Variants in IMMP2L observed in about 807,000 individuals in gnomAD.
IMMP2L encodes mitochondrial inner membrane protease subunit 2.
In IMMP2L, 18 loss-of-function variants were observed where a neutral mutation model predicts 19.3. The ratio of observed to expected loss-of-function variants is 0.93; its 90% CI spans 0.64 to 1.38. IMMP2L has a LOEUF of 1.38. IMMP2L is among the 40% of genes most tolerant of loss of function. The probability of loss-of-function intolerance (pLI) is 0.00; values close to 1 mark genes in which losing one functional copy is unlikely to be tolerated. For missense variants in IMMP2L, 233 were observed against 218.2 expected (o/e 1.07, Z -0.43); for synonymous variants, 76 against 73.0 (o/e 1.04, Z -0.21).
intron 5 of IMMP2L, among the ~76,000 whole-genome samples, chr7:110,706,820 C>A (rs1403262353): frequency 2.0e-5 from 3 of 151,848 alleles, no homozygotes; most frequent in Non-Finnish European, 2.9e-5. Flanking sequence ...TTGATAGTTT[C>A]TTTTGCTGTG....
chr7:111,546,141 T>A (rs1848910158), intron 1 of IMMP2L, among the ~76,000 whole-genome samples: 1 of 152,132 alleles, frequency 6.6e-6, no homozygotes, highest in African/African-American at 2.4e-5. Context: ...TTGTTTCCAG[T>A]CATTGCCAAG....
chr7:110,899,276 G>A lies in IMMP2L; in HGVS notation c.306-12581C>T, dbSNP rs532448949. Among the ~76,000 whole-genome samples the A allele has an allele frequency of 6.6e-4, 100 of 152,094 alleles. 1 individual carries two copies. The highest frequency in any genetic ancestry group is 2.3e-3 in the African/African-American group (95 of 41,512). On this transcript the variant is annotated intron_variant, in intron 4 of 5. Transcript: ENST00000405709. ...GGTTAAATTTGAATTGGAATCCTTC[G>A]TTTTACGTGACCAATGGTGCAAAAT...
At chr7:111,490,124 G>A (rs1329758700) in intron 2 of IMMP2L, among the ~76,000 whole-genome samples, 1 of 147,056 alleles carries the variant, frequency 6.8e-6, no homozygotes, top group African/African-American at 2.5e-5. Context: ...TTTTAAGAGG[G>A]TCTCGCTCTG....
At chr7:110,783,556 T>TA (rs540006152) in intron 5 of IMMP2L, among the ~76,000 whole-genome samples, 78 of 151,904 alleles carry the variant, frequency 5.1e-4, no homozygotes, top group African/African-American at 1.8e-3. Context: ...AACAAACATT[T>TA]AAAAAAATTA....
At chr7:110,919,882 A>G (rs776210171) in intron 4 of IMMP2L, among the ~76,000 whole-genome samples, 1 of 152,164 alleles carries the variant, frequency 6.6e-6, no homozygotes, top group African/African-American at 2.4e-5. Context: ...CCCATCCTCA[A>G]ACTGGCTGGG....
intron 5 of IMMP2L, among the ~76,000 whole-genome samples, chr7:110,715,081 G>C (rs747273504): frequency 8.5e-5 from 13 of 152,090 alleles, no homozygotes; most frequent in Non-Finnish European, 1.9e-4. Flanking sequence ...TTGTCTCTGA[G>C]GATGCTTTAT....
intron 3 of IMMP2L, among the ~76,000 whole-genome samples, chr7:111,295,465 G>C (rs1376015489): frequency 6.6e-6 from 1 of 151,870 alleles, no homozygotes; most frequent in Non-Finnish European, 1.5e-5. Flanking sequence ...CAGATTAAGA[G>C]TGCAGGTTTC....
chr7:111,315,246 G>C lies in IMMP2L; in HGVS notation c.239+171992C>G, dbSNP rs769514532. ...TCTTTTATTGATATGAAAAATTTGG[G>C]CAGTCCTGCAGAGAGAAGTCCAAAT... is the stretch of plus-strand genomic sequence containing the variant. On this transcript the variant is annotated intron_variant, in intron 3 of 5. Coordinates refer to ENST00000405709, the MANE Select transcript of IMMP2L (RefSeq NM_032549.4). Among the ~76,000 whole-genome samples, 7 of 152,090 alleles carry C rather than the reference G, an allele frequency of 4.6e-5. No homozygotes were observed. The South Asian group carries it at 1.2e-3, about 27-fold the overall frequency.
intron 4 of IMMP2L, among the ~76,000 whole-genome samples, chr7:110,951,940 T>C (rs1817874643): frequency 6.6e-6 from 1 of 152,136 alleles, no homozygotes; most frequent in South Asian, 2.1e-4. Context: ...CAAGGTTAAC[T>C]GAAGTTGCAC....
At chr7:111,359,902 G>C (rs921250814) in intron 3 of IMMP2L, among the ~76,000 whole-genome samples, 7 of 152,040 alleles carry the variant, frequency 4.6e-5, no homozygotes, top group African/African-American at 1.7e-4. Flanking sequence ...TAAGGATCTT[G>C]ATTTTTTAAA....
At chr7:111,422,355 C>G (rs879682771) in intron 3 of IMMP2L, among the ~76,000 whole-genome samples, 3 of 151,804 alleles carry the variant, frequency 2.0e-5, no homozygotes, top group African/African-American at 4.9e-5. Flanking sequence ...TATCCATGAG[C>G]AAGGGATATT....
At chr7:111,341,591 T>C (rs1827014688) in intron 3 of IMMP2L, among the ~76,000 whole-genome samples, 1 of 152,170 alleles carries the variant, frequency 6.6e-6, no homozygotes. Context: ...TAAATGCTCC[T>C]GCATAAATCT....
chr7:111,292,047 T>C (rs1034501991), intron 3 of IMMP2L, among the ~76,000 whole-genome samples: 1 of 152,144 alleles, frequency 6.6e-6, no homozygotes, highest in African/African-American at 2.4e-5. Flanking sequence ...TCATCATCAC[T>C]CATATAATAT....
intron 4 of IMMP2L, among the ~76,000 whole-genome samples, chr7:110,907,435 C>A (rs1451642879): frequency 6.6e-6 from 1 of 152,166 alleles, no homozygotes; most frequent in African/African-American, 2.4e-5. Flanking sequence ...AAACTGTAGT[C>A]TCCAACATCC....
At chr7:111,289,688 A>G (rs986008063) in intron 3 of IMMP2L, among the ~76,000 whole-genome samples, 7 of 151,952 alleles carry the variant, frequency 4.6e-5, no homozygotes, top group African/African-American at 1.7e-4. Context: ...CTACTGTTCT[A>G]TTTTGTTTTG....
intron 3 of IMMP2L, among the ~76,000 whole-genome samples, chr7:111,094,574 A>G (rs796105077): frequency 2.0e-5 from 3 of 152,284 alleles, no homozygotes; most frequent in African/African-American, 7.2e-5. Flanking sequence ...TAGGCAAAAC[A>G]TCAGTACATC....
Position 110,850,200 on chromosome 7 carries a change from A to G in IMMP2L, c.408+36393T>C, listed in dbSNP as rs145987123. Among the ~76,000 whole-genome samples the G allele has an allele frequency of 9.7e-4, 148 of 152,144 alleles. 3 individuals carry two copies. The East Asian group carries it at 0.023, about 24-fold the overall frequency. On this transcript the variant is annotated intron_variant, in intron 5 of 5. Coordinates refer to ENST00000405709, the MANE Select transcript of IMMP2L (RefSeq NM_032549.4). ...AGACTGGTAGGACTTGTTTTCTGCT[A>G]TCAAAACAGGATCTGGTCCATACAA...
Position 111,268,569 on chromosome 7 carries a change from C to CTTTTTTTTTTTTTTTTTTTTTTTTTTTT in IMMP2L, c.239+218641_239+218668dup, listed in dbSNP as rs762576425. On this transcript the variant is annotated intron_variant, in intron 3 of 5. Coordinates refer to ENST00000405709, the MANE Select transcript of IMMP2L (RefSeq NM_032549.4). Reference sequence around the variant, plus strand: ...GATATGAGTTAAACTTCACATTTCTCTTTTTTTTTTTTTTTTTTTTTTTTT... The same window carrying CTTTTTTTTTTTTTTTTTTTTTTTTTTTT: ...GATATGAGTTAAACTTCACATTTCTCTTTTTTTTTTTTTTTTTTTTTTTTTTTTTTTTTTTTTTTTTTTTTTTTTTTTT... Among the ~76,000 whole-genome samples, 3 of 44,562 alleles carry CTTTTTTTTTTTTTTTTTTTTTTTTTTTT rather than the reference C, an allele frequency of 6.7e-5. 1 individual carries two copies. Among genetic ancestry groups the CTTTTTTTTTTTTTTTTTTTTTTTTTTTT allele is most frequent in the African/African-American group, 2.0e-4 (2 of 9,806 alleles). The allele number at this position is 44,562 out of a possible 152,430, so 29.2% of individuals were successfully genotyped here. A position where few individuals can be genotyped will look rare whatever the true frequency, so the allele number is the denominator to read the frequency against.
At chr7:111,337,351 C>A (rs548280247) in intron 3 of IMMP2L, among the ~76,000 whole-genome samples, 2 of 151,894 alleles carry the variant, frequency 1.3e-5, no homozygotes, top group Non-Finnish European at 2.9e-5. Context: ...GAAATTATGC[C>A]ATAATCACCC....
Sources: gnomAD v4.1 joint callset for allele counts (sites outside exome capture counted in the v4.1 genomes callset) on GRCh38, gnomAD v4.1.1 for gene constraint, MANE v1.5 for transcripts, NCBI Gene and HGNC (gene_info 2026-07-23, HGNC 2026-07-21) for gene names.